Variants in DIXDC1 observed in about 807,000 individuals in gnomAD.
The protein encoded by DIXDC1 is DIX domain containing 1.
A neutral mutation model predicts 103.1 loss-of-function variants in DIXDC1; 64 were observed. The observed-to-expected ratio is 0.62, with a 90% confidence interval of 0.51 to 0.76. The LOEUF is 0.76. Ranked by LOEUF, DIXDC1 falls within the 30% of genes least tolerant of loss-of-function variation. The probability of loss-of-function intolerance (pLI) is 0.00; values close to 1 mark genes in which losing one functional copy is unlikely to be tolerated. For synonymous variants in DIXDC1, 266 were observed against 298.5 expected, an observed-to-expected ratio of 0.89 and a Z score of 1.12; for missense variants, 759 against 834.2, an observed-to-expected ratio of 0.91 and a Z score of 1.11.
At chr11:112,013,076 C>T (rs994835967) in intron 17 of DIXDC1, among the ~76,000 whole-genome samples, 15 of 152,096 alleles carry the variant, frequency 9.9e-5, no homozygotes, top group Admixed American at 6.5e-5. Context: ...AGTACAAGAT[C>T]AGGTTGCCAG....
intron 17 of DIXDC1, among the ~76,000 whole-genome samples, chr11:112,010,885 G>A (rs1861395881): frequency 6.6e-6 from 1 of 152,168 alleles, no homozygotes; most frequent in Non-Finnish European, 1.5e-5. Flanking sequence ...TCAGGACATA[G>A]GCATGGACAA....
Position 111,966,030 on chromosome 11 carries a change from T to C in DIXDC1, c.190+1352T>C, listed in dbSNP as rs144487228. ...AGATCAAACCTCCTTTTTCCACTTA[T>C]GTTCCCCCACCAGCTACCCATTTTT... On this transcript the variant is annotated intron_variant, in intron 2 of 19. Transcript: ENST00000440460. 9.5e-3 allele frequency among the ~76,000 whole-genome samples: 1,448 copies of C among 152,302 alleles called. 14 individuals carry two copies. The highest frequency in any genetic ancestry group is 0.017 in the Non-Finnish European group (1,149 of 68,030).
intron 3 of DIXDC1, among the ~76,000 whole-genome samples, chr11:111,969,974 G>C (rs1225150512): frequency 6.6e-6 from 1 of 152,136 alleles, no homozygotes; most frequent in Admixed American, 6.5e-5. Flanking sequence ...AACCCCAAAA[G>C]CCTCTGTCAA....
intron 1 of DIXDC1, among the ~76,000 whole-genome samples, chr11:111,942,017 G>C (rs1966437402): frequency 6.6e-6 from 1 of 152,132 alleles, no homozygotes; most frequent in Non-Finnish European, 1.5e-5. Context: ...CCAATTAGAG[G>C]CTTCCAGACA....
chr11:111,982,045 A>G (rs587655491), intron 6 of DIXDC1, among the ~76,000 whole-genome samples: 13 of 152,308 alleles, frequency 8.5e-5, no homozygotes, highest in African/African-American at 2.9e-4. Context: ...CAGTTCTAAG[A>G]ATTAAGGGTG....
chr11:111,928,749 G>A (rs1258577705), intron 1 of DIXDC1, among the ~76,000 whole-genome samples: 3 of 150,634 alleles, frequency 2.0e-5, no homozygotes, highest in Non-Finnish European at 4.4e-5. Context: ...GCAGCAAAGC[G>A]AGACTGCGTC....
intron 17 of DIXDC1, among the ~76,000 whole-genome samples, chr11:112,004,870 G>A (rs1037690374): frequency 2.6e-5 from 4 of 151,868 alleles, no homozygotes; most frequent in South Asian, 2.1e-4. Flanking sequence ...TGTCCCTACC[G>A]ATGGCCTGGA....
At position 111,944,476 on chromosome 11, in the gene DIXDC1, T is replaced by G. The variant is rs1437968528; in HGVS notation, c.60+6917T>G. 2.0e-5 allele frequency among the ~76,000 whole-genome samples: 3 copies of G among 152,326 alleles called. No homozygotes were observed. The East Asian group carries it at 5.8e-4, about 29-fold the overall frequency. On this transcript the variant is annotated intron_variant, in intron 1 of 19. Coordinates refer to ENST00000440460, the MANE Select transcript of DIXDC1 (RefSeq NM_001037954.4). ...GGAGATAGAGAACTGAGGCTCGGCT[T>G]ACAAACCTGTTTGGAAGGAAGGGCA... is the stretch of plus-strand genomic sequence containing the variant.
chr11:111,964,548 G>T lies in DIXDC1; in HGVS notation c.61-1G>T. On this transcript the variant is annotated splice_acceptor_variant, in intron 1 of 19. Transcript: ENST00000440460. LOFTEE classifies it high-confidence loss of function. ...CCTTACTTATATCTTTTATTTTCCAGCAACAGCTGCAGGCCTATGTGGCCT... is the reference window on the plus strand; with the variant it reads ...CCTTACTTATATCTTTTATTTTCCATCAACAGCTGCAGGCCTATGTGGCCT... 6.3e-7 allele frequency: 1 copy of T among 1,594,762 alleles called. No individual in the cohort carries two copies. Among genetic ancestry groups the T allele is most frequent in the East Asian group, 2.2e-5 (1 of 44,486 alleles).
upstream of DIXDC1, among the ~76,000 whole-genome samples, chr11:111,935,761 G>C (rs1966168508): frequency 6.6e-6 from 1 of 152,174 alleles, no homozygotes; most frequent in African/African-American, 2.4e-5. Context: ...GAAGGACAGT[G>C]GTCTTTGGAC....
chr11:111,986,974 G>C, intron 9 of DIXDC1, 50 bp downstream of exon 9: 1 of 1,488,056 alleles, frequency 6.7e-7, no homozygotes, highest in Non-Finnish European at 9.1e-7. Flanking sequence ...ATGGGGGCCA[G>C]GCACGGTGGC....
chr11:111,946,829 G>C, intron 1 of DIXDC1: 1 of 421,852 alleles, frequency 2.4e-6, no homozygotes, highest in Non-Finnish European at 4.8e-6. Flanking sequence ...ATTTGGGACA[G>C]CCTAATTTTG....
Position 111,948,316 on chromosome 11 carries a change from A to C in DIXDC1, c.60+10757A>C, listed in dbSNP as rs587702907. Reference sequence around the variant, plus strand: ...CCATTAAAATTATTTTTTTCATTCCATCAAGTTCTCCTTTCCTTCCTGTCC... The same window carrying C: ...CCATTAAAATTATTTTTTTCATTCCCTCAAGTTCTCCTTTCCTTCCTGTCC... On this transcript the variant is annotated intron_variant, in intron 1 of 19. Transcript: ENST00000440460. Among the ~76,000 whole-genome samples the C allele has an allele frequency of 9.2e-4, 140 of 152,220 alleles. 1 individual carries two copies. The highest frequency in any genetic ancestry group is 3.0e-3 in the African/African-American group (126 of 41,526).
At chr11:111,980,928 C>A in intron 6 of DIXDC1, 79 bp downstream of exon 6, 1 of 1,167,028 alleles carries the variant, frequency 8.6e-7, no homozygotes, top group Non-Finnish European at 1.2e-6. Context: ...CACCAATAAG[C>A]TCCCTGGCCT....
chr11:112,013,322 G>GGC (rs1861484349), intron 17 of DIXDC1, among the ~76,000 whole-genome samples: 1 of 59,868 alleles, frequency 1.7e-5, no homozygotes, highest in Non-Finnish European at 2.9e-5. Flanking sequence ...GTCGGGGGGT[G>GGC]GGGGTGGGGT....
Position 111,989,619 on chromosome 11 carries a change from G to A in DIXDC1, c.1113+564G>A, listed in dbSNP as rs1328863086. Among the ~76,000 whole-genome samples the A allele has an allele frequency of 1.0e-3, 127 of 126,982 alleles. 1 individual carries two copies. Among genetic ancestry groups the A allele is most frequent in the African/African-American group, 3.5e-3 (113 of 32,142 alleles). 83.3% of individuals were successfully genotyped at this position (126,982 alleles called of 152,430 possible). A position where few individuals can be genotyped will look rare whatever the true frequency, so the allele number is the denominator to read the frequency against. On this transcript the variant is annotated intron_variant, in intron 10 of 19. Coordinates refer to ENST00000440460, the MANE Select transcript of DIXDC1 (RefSeq NM_001037954.4). ...AGCCTAGGTGACAGGGTGAGACTCC[G>A]TCTCGGAAAAAAAAAAAAAAAAGGA...
Position 111,974,041 on chromosome 11 carries a change from T to G in DIXDC1, c.335T>G (p.Leu112Arg). Residue 112 changes from leucine (L) to arginine (R), a missense_variant, in exon 4 of 20, where the codon CTG becomes CGG. Coordinates refer to ENST00000440460, the MANE Select transcript of DIXDC1 (RefSeq NM_001037954.4). ...TSAKDIVDGN[L>R]KSIMRLVLAL... ...CCTTCAGATATTGTGGATGGAAACC[T>G]GAAGTCTATCATGAGGCTGGTCCTT... 1 of 1,613,962 alleles carries G rather than the reference T, an allele frequency of 6.2e-7. No homozygotes were observed. The highest frequency in any genetic ancestry group is 8.5e-7 in the Non-Finnish European group (1 of 1,179,900).
chr11:111,995,312 C>A (rs1312708973), intron 15 of DIXDC1, 91 bp from the exon 16 acceptor site: 41 of 1,531,934 alleles, frequency 2.7e-5, no homozygotes, highest in Admixed American at 3.8e-5. Context: ...GGGGAAAAAT[C>A]TTCTGGAAAC....
At chr11:111,930,367 C>T (rs1355970752) in intron 2 of DIXDC1, among the ~76,000 whole-genome samples, 17 of 152,034 alleles carry the variant, frequency 1.1e-4, no homozygotes, top group African/African-American at 4.1e-4. Context: ...GCAACCTCTG[C>T]CTCCCGGGTT....
Sources: gnomAD v4.1 joint callset for allele counts (sites outside exome capture counted in the v4.1 genomes callset) on GRCh38, gnomAD v4.1.1 for gene constraint, MANE v1.5 for transcripts, NCBI Gene and HGNC (gene_info 2026-07-23, HGNC 2026-07-21) for gene names.